R3HDM1: variants seen among roughly 807,000 people sequenced by gnomAD.
R3HDM1 encodes R3H domain containing 1, also known as R3H domain-containing protein 1.
A neutral mutation model predicts 141.1 loss-of-function variants in R3HDM1; 46 were observed. The observed-to-expected ratio is 0.33, with a 90% CI of 0.26 to 0.42. The LOEUF (loss-of-function observed/expected upper bound fraction) is 0.42. Among genes scored for constraint, R3HDM1 ranks in the 10% least tolerant of loss-of-function variants. The probability of loss-of-function intolerance (pLI) is 1.00; values close to 1 mark genes in which losing one functional copy is unlikely to be tolerated. For missense variants in R3HDM1, 1,184 were observed against 1,368.3 expected (o/e 0.87, Z 2.12); for synonymous variants, 435 against 472.9 (o/e 0.92, Z 1.04).
At chr2:135,534,033 C>T (rs1232814424) in intron 1 of R3HDM1, 1 of 984,682 alleles carries the variant, frequency 1.0e-6, no homozygotes, top group East Asian at 1.1e-4. Context: ...CCTTAGAACA[C>T]ATTCTGTTAC....
At chr2:135,540,871 T>G (rs1487719590) in intron 1 of R3HDM1, among the ~76,000 whole-genome samples, 2 of 152,238 alleles carry the variant, frequency 1.3e-5, no homozygotes, top group Admixed American at 6.5e-5. Context: ...AAATTAATCC[T>G]TGATACATGG....
chr2:135,654,597 A>ACTT (rs1358497883), intron 18 of R3HDM1, among the ~76,000 whole-genome samples: 1 of 151,948 alleles, frequency 6.6e-6, no homozygotes, highest in East Asian at 1.9e-4. Flanking sequence ...TACAGGCGTG[A>ACTT]GCCACCATGC....
At chr2:135,596,426 C>T (rs953601878) in intron 1 of R3HDM1, among the ~76,000 whole-genome samples, 4 of 152,068 alleles carry the variant, frequency 2.6e-5, no homozygotes, top group African/African-American at 9.7e-5. Context: ...CAGTACTGAC[C>T]ACTCAGAATT....
In R3HDM1 at chr2:135,710,316, CGTCA is replaced by C; in HGVS notation, c.2736+87_2736+90del. On this transcript the variant is annotated intron_variant, in intron 23 of 26. Coordinates refer to ENST00000683871, the MANE Select transcript of R3HDM1 (RefSeq NM_001378107.1). ...CTTATAAGGCTTGAATTTGAAATCC[CGTCA>C]GCCAGATTAATAAAAGAATTTGGGC... 5 of 1,381,492 alleles carry C rather than the reference CGTCA, an allele frequency of 3.6e-6. No individual in the cohort carries two copies. In the East Asian group the frequency reaches 1.2e-4, roughly 33 times the overall value. 85.6% of individuals were successfully genotyped at this position (1,381,492 alleles called of 1,614,324 possible).
chr2:135,586,337 C>T (rs1707901667), intron 1 of R3HDM1: 1 of 152,642 alleles, frequency 6.6e-6, no homozygotes, highest in African/African-American at 2.4e-5. Context: ...CTGAGTCCTC[C>T]TCGGCAAGTG....
At position 135,633,525 on chromosome 2, in the gene R3HDM1, TAAA is replaced by T. The variant is rs3835805; in HGVS notation, c.698+1525_698+1527del. Among the ~76,000 whole-genome samples, 1,602 of 152,284 alleles carry T rather than the reference TAAA, an allele frequency of 0.011. 95 individuals carry two copies. The East Asian group carries it at 0.19, about 18-fold the overall frequency. On this transcript the variant is annotated intron_variant, in intron 9 of 26. Transcript: ENST00000683871. ...TCAGCAGAGATGCTTATAATATACT[TAAA>T]GAAGTATGGGTCAATAATATAATTA...
At chr2:135,637,089 A>G (rs2063337250) in intron 11 of R3HDM1, among the ~76,000 whole-genome samples, 1 of 152,234 alleles carries the variant, frequency 6.6e-6, no homozygotes, top group African/African-American at 2.4e-5. Context: ...CCAAGCCTAT[A>G]CTAAATGTCC....
intron 16 of R3HDM1, chr2:135,649,097 C>G (rs1032092780): frequency 6.6e-6 from 1 of 150,512 alleles, no homozygotes; most frequent in Non-Finnish European, 1.5e-5. Flanking sequence ...ACGGAGTCTC[C>G]CTCTGGCGCC....
chr2:135,575,325 G>A (rs1705152884), intron 1 of R3HDM1, among the ~76,000 whole-genome samples: 1 of 152,188 alleles, frequency 6.6e-6, no homozygotes, highest in Non-Finnish European at 1.5e-5. Context: ...TGGGATTACA[G>A]GCACCTGTCC....
intron 3 of R3HDM1, among the ~76,000 whole-genome samples, chr2:135,613,371 G>A (rs531062592): frequency 1.3e-5 from 2 of 152,122 alleles, no homozygotes; most frequent in Non-Finnish European, 1.5e-5. Context: ...ACGATATGTC[G>A]AGTCCTTCTC....
intron 1 of R3HDM1, among the ~76,000 whole-genome samples, chr2:135,533,543 G>A (rs1695382714): frequency 6.6e-6 from 1 of 152,214 alleles, no homozygotes; most frequent in Non-Finnish European, 1.5e-5. Flanking sequence ...TGTAAAATGA[G>A]GATGATAATG....
At chr2:135,638,021 T>G (rs181756460) in intron 11 of R3HDM1, among the ~76,000 whole-genome samples, 1 of 152,222 alleles carries the variant, frequency 6.6e-6, no homozygotes, top group African/African-American at 2.4e-5. Flanking sequence ...CGCTATAGTT[T>G]GCTGACACTG....
intron 6 of R3HDM1, 157 bp from the exon 7 acceptor site, chr2:135,622,497 G>GGTCACCTGATTTCATTGTAACTTT (rs1168255871): frequency 2.0e-5 from 20 of 984,320 alleles, no homozygotes; most frequent in African/African-American, 3.5e-5. Flanking sequence ...GAAACATCGT[G>GGTCACCTGATTTCATTGTAACTTT]GTCACCTGAT....
At chr2:135,537,667 TTTTATTTTAC>T (rs200833289) in intron 1 of R3HDM1, among the ~76,000 whole-genome samples, 1 of 130,786 alleles carries the variant, frequency 7.6e-6, no homozygotes, top group African/African-American at 3.6e-5. Flanking sequence ...TTTTATTTTA[TTTTATTTTAC>T]TTAGAGTCTC....
chr2:135,641,503 AAAAATCCATATT>A (rs1300107352), intron 14 of R3HDM1, 21 bp from the exon 15 acceptor site: 1 of 1,564,754 alleles, frequency 6.4e-7, no homozygotes. Context: ...ATGAGGTTTA[AAAAATCCATATT>A]TTTCATTACT....
At chr2:135,652,632 CTATCCGGATGG>C (rs1279755329) in intron 18 of R3HDM1, among the ~76,000 whole-genome samples, 8 of 152,160 alleles carry the variant, frequency 5.3e-5, no homozygotes, top group Non-Finnish European at 1.0e-4. Context: ...TTTGGTTGTA[CTATCCGGATGG>C]TAGTAGCCTT....
intron 19 of R3HDM1, chr2:135,667,039 C>T: frequency 1.2e-6 from 1 of 839,528 alleles, no homozygotes; most frequent in Non-Finnish European, 1.4e-6. Flanking sequence ...GTATTCTAAG[C>T]ATTTCTTTAA....
At position 135,602,537 on chromosome 2, in the gene R3HDM1, C is replaced by T. The variant is rs1262009760; in HGVS notation, c.-212C>T. The T allele has an allele frequency of 6.9e-7, 1 of 1,454,466 alleles. No homozygotes were observed. The highest frequency in any genetic ancestry group is 1.4e-5 in the African/African-American group (1 of 68,996). 90.1% of individuals were successfully genotyped at this position (1,454,466 alleles called of 1,614,324 possible). A position where few individuals can be genotyped will look rare whatever the true frequency, so the allele number is the denominator to read the frequency against. Reference sequence around the variant, plus strand: ...TATGATATATTTGATCCAAGACAGTCCATTCCAGTCCGGGAATCTACAGTG... The same window carrying T: ...TATGATATATTTGATCCAAGACAGTTCATTCCAGTCCGGGAATCTACAGTG... On this transcript the variant is annotated 5_prime_UTR_variant, in exon 2 of 27. Transcript: ENST00000683871.
chr2:135,637,706 T>C (rs374381469), intron 11 of R3HDM1, among the ~76,000 whole-genome samples: 9 of 152,086 alleles, frequency 5.9e-5, no homozygotes, highest in Non-Finnish European at 1.0e-4. Flanking sequence ...AAAGTTTAGG[T>C]TGGAAAAATA....
Sources: allele counts gnomAD v4.1 joint callset (sites outside exome capture counted in the v4.1 genomes callset), GRCh38; gene constraint gnomAD v4.1.1; transcripts MANE v1.5; gene names NCBI Gene and HGNC (gene_info 2026-07-23, HGNC 2026-07-21).